The following SMG5 variants were observed in gnomAD, a reference collection of about 807,000 sequenced individuals.
SMG5 encodes SMG5 nonsense mediated mRNA decay factor.
A neutral mutation model predicts 122.9 loss-of-function variants in SMG5; 53 were observed. The ratio of observed to expected loss-of-function variants is 0.43; its 90% confidence interval spans 0.35 to 0.54. The LOEUF (loss-of-function observed/expected upper bound fraction) is 0.54. Ranked by LOEUF, SMG5 falls within the 20% of genes least tolerant of loss-of-function variation. The pLI, the probability that SMG5 is intolerant of heterozygous loss-of-function variation, is 0.01. For missense variants in SMG5, 1,153 were observed against 1,285.6 expected, an observed-to-expected ratio of 0.90 and a Z score of 1.58; for synonymous variants, 477 against 490.2, an observed-to-expected ratio of 0.97 and a Z score of 0.35.
intron 13 of SMG5, among the ~76,000 whole-genome samples, chr1:156,262,393 A>C (rs1398910672): frequency 6.8e-6 from 1 of 147,072 alleles, no homozygotes; most frequent in Non-Finnish European, 1.5e-5. Flanking sequence ...GGAGAATGGT[A>C]TGAACCTAGG....
chr1:156,259,294 G>T, intron 15 of SMG5, 131 bp from the exon 16 acceptor site: 2 of 972,334 alleles, frequency 2.1e-6, no homozygotes. Context: ...AGGGCTCCAG[G>T]GGAAGATTTG....
intron 2 of SMG5, 23 bp downstream of exon 2, chr1:156,278,913 G>A (rs1382583220): frequency 6.3e-7 from 1 of 1,584,344 alleles, no homozygotes; most frequent in African/African-American, 1.3e-5. Flanking sequence ...GTAAGGATCT[G>A]TGGTTTAGAG....
Position 156,265,810 on chromosome 1 carries a change from T to C in SMG5, c.1826A>G (p.Asn609Ser), listed in dbSNP as rs780751977. 1.7e-5 allele frequency: 27 copies of C among 1,613,914 alleles called. No homozygotes were observed. The highest frequency in any genetic ancestry group is 8.0e-5 in the African/African-American group (6 of 74,920). The change falls in exon 12 of 22, where the codon AAT (asparagine) becomes AGT (serine). Residue 609 changes from asparagine (N) to serine (S), a missense_variant. Physicochemically the swap from Asn to Ser is conservative, Grantham distance 46 (BLOSUM62 1). Coordinates refer to ENST00000361813, the MANE Select transcript of SMG5 (RefSeq NM_015327.3). ...CTCTGAAGGCTTGTCTACATCCCCA[T>C]TGACGCAAGGCCTGTGGCTGGCCGA... is the stretch of plus-strand genomic sequence containing the variant. ...HTSASHRPCV[N>S]GDVDKPSEPA...
Position 156,263,518 on chromosome 1 carries a change from A to G in SMG5, c.1908T>C (p.Cys636=). 1 of 1,614,226 alleles carries G rather than the reference A, an allele frequency of 6.2e-7. No homozygotes were observed. The change falls in exon 13 of 22, where the codon TGT becomes TGC. Residue 636 remains cysteine (C), a synonymous_variant. Coordinates refer to ENST00000361813, the MANE Select transcript of SMG5 (RefSeq NM_015327.3). Reference sequence around the variant, plus strand: ...TCTCCTGGATGCTGCGCTCATTCCGACAGGAGCGTCCACTGGACTCACTCC... The same window carrying G: ...TCTCCTGGATGCTGCGCTCATTCCGGCAGGAGCGTCCACTGGACTCACTCC... ...SEGSESSGRS[C]RNERSIQEKL...
intron 9 of SMG5, 45 bp from the exon 10 acceptor site, chr1:156,267,723 G>T: frequency 6.6e-7 from 1 of 1,511,506 alleles, no homozygotes; most frequent in South Asian, 1.2e-5. Flanking sequence ...GGTGGGGGCT[G>T]GGGAAGGAGA....
In SMG5 at chr1:156,268,434, A is replaced by G; in HGVS notation, c.714-19T>C. On this transcript the variant is annotated intron_variant, in intron 7 of 21. Coordinates refer to ENST00000361813, the MANE Select transcript of SMG5 (RefSeq NM_015327.3). Reference sequence around the variant, plus strand: ...CTGGATGCTGTAAGAGATAGAGGTGAGCTACTGAGTCTTGGCAGGGGGAGG... The same window carrying G: ...CTGGATGCTGTAAGAGATAGAGGTGGGCTACTGAGTCTTGGCAGGGGGAGG... The G allele has an allele frequency of 1.2e-6, 2 of 1,611,600 alleles. No homozygotes were observed. The highest frequency in any genetic ancestry group is 1.7e-6 in the Non-Finnish European group (2 of 1,178,822).
At chr1:156,287,743 C>T (rs566626028), upstream of SMG5, among the ~76,000 whole-genome samples, 7 of 151,552 alleles carry the variant, frequency 4.6e-5, no homozygotes, top group South Asian at 2.1e-4. Flanking sequence ...CAGCCTCCCG[C>T]GTAGCTGGGA....
At chr1:156,276,923 T>C (rs1662708648) in intron 4 of SMG5, among the ~76,000 whole-genome samples, 162 bp downstream of exon 4, 1 of 152,346 alleles carries the variant, frequency 6.6e-6, no homozygotes, top group East Asian at 1.9e-4. Flanking sequence ...CCCTAACTCA[T>C]ATGATTGTCT....
At chr1:156,265,487 C>T (rs547741387) in intron 12 of SMG5, among the ~76,000 whole-genome samples, 1 of 152,210 alleles carries the variant, frequency 6.6e-6, no homozygotes, top group African/African-American at 2.4e-5. Flanking sequence ...TGGGATGGCA[C>T]AGGGAAGGAA....
At chr1:156,265,544 G>C (rs900045889) in intron 12 of SMG5, among the ~76,000 whole-genome samples, 1 of 152,042 alleles carries the variant, frequency 6.6e-6, no homozygotes, top group African/African-American at 2.4e-5. Flanking sequence ...CAAACCCACA[G>C]GACAGGGTGA....
At chr1:156,253,732 G>C (rs1661458238) in intron 16 of SMG5, 4 of 575,408 alleles carry the variant, frequency 7.0e-6, no homozygotes, top group Non-Finnish European at 1.3e-5. Context: ...TGATGTTCCA[G>C]GCCCTGCAGG....
chr1:156,272,143 G>T (rs552003254), intron 7 of SMG5, among the ~76,000 whole-genome samples, 177 bp downstream of exon 7: 1 of 152,272 alleles, frequency 6.6e-6, no homozygotes, highest in Non-Finnish European at 1.5e-5. Context: ...CAGATCCAGC[G>T]GTTATGTGAA....
chr1:156,266,799 T>C, intron 10 of SMG5, 121 bp from the exon 11 acceptor site: 2 of 1,163,562 alleles, frequency 1.7e-6, no homozygotes, highest in Non-Finnish European at 1.2e-6. Context: ...TTATCAAAGA[T>C]TCTTTTTTTT....
chr1:156,263,638 G>C (rs879922929), intron 12 of SMG5, 68 bp from the exon 13 acceptor site: 6 of 1,543,064 alleles, frequency 3.9e-6, no homozygotes, highest in Admixed American at 1.8e-5. Context: ...ACAGGCCTCA[G>C]CTCTGTGCAG....
At chr1:156,268,496 A>G (rs1358538246) in intron 7 of SMG5, 81 bp from the exon 8 acceptor site, 2 of 1,548,890 alleles carry the variant, frequency 1.3e-6, no homozygotes, top group Non-Finnish European at 1.7e-6. Context: ...AAACAATGTT[A>G]CTAGTAAATA....
intron 7 of SMG5, among the ~76,000 whole-genome samples, chr1:156,270,345 A>C (rs546223176): frequency 1.3e-5 from 2 of 152,334 alleles, no homozygotes; most frequent in South Asian, 2.1e-4. Flanking sequence ...GAGCCACTAC[A>C]TAAGAAGTTC....
At chr1:156,277,313 T>C in intron 3 of SMG5, 72 bp from the exon 4 acceptor site, 1 of 1,498,480 alleles carries the variant, frequency 6.7e-7, no homozygotes, top group Admixed American at 2.1e-5. Context: ...CCTTACCCTG[T>C]TCATCTCACT....
chr1:156,282,539 G>A (rs1327385614), intron 1 of SMG5, 68 bp downstream of exon 1: 1 of 1,513,408 alleles, frequency 6.6e-7, no homozygotes, highest in East Asian at 2.5e-5. Flanking sequence ...CGCCCGCCCG[G>A]GAGGCCCCGC....
intron 16 of SMG5, among the ~76,000 whole-genome samples, chr1:156,257,472 C>A (rs1327773449): frequency 6.6e-6 from 1 of 152,036 alleles, no homozygotes; most frequent in Admixed American, 6.6e-5. Flanking sequence ...GAGTCTAGCA[C>A]CACATGAGAA....
Sources: allele counts gnomAD v4.1 joint callset (sites outside exome capture counted in the v4.1 genomes callset), GRCh38; gene constraint gnomAD v4.1.1; transcripts MANE v1.5; gene names NCBI Gene and HGNC (gene_info 2026-07-23, HGNC 2026-07-21).